HEATR1: variants seen among roughly 807,000 people sequenced by gnomAD.
HEATR1 encodes the protein HEAT repeat-containing protein 1.
HEATR1 carries 77 observed loss-of-function variants against 248.2 expected under a neutral mutation model. The observed-to-expected ratio is 0.31, with a 90% CI of 0.26 to 0.37. The LOEUF (loss-of-function observed/expected upper bound fraction) is 0.37. Among genes scored for constraint, HEATR1 ranks in the 10% least tolerant of loss-of-function variants. The pLI is 1.00. For missense variants in HEATR1, 2,420 were observed against 2,504.9 expected (o/e 0.97, Z 0.72); for synonymous variants, 897 against 923.1 (o/e 0.97, Z 0.51).
chr1:236,571,311 T>A, intron 28 of HEATR1, 40 bp downstream of exon 28: 1 of 1,555,774 alleles, frequency 6.4e-7, no homozygotes, highest in Non-Finnish European at 8.6e-7. Flanking sequence ...AAGAAAAATA[T>A]CTGAAATATC....
intron 12 of HEATR1, among the ~76,000 whole-genome samples, chr1:236,589,655 T>C (rs1386931691): frequency 6.6e-6 from 1 of 152,244 alleles, no homozygotes; most frequent in Admixed American, 6.5e-5. Flanking sequence ...CTAATTGCTA[T>C]GACACAAGTT....
chr1:236,559,192 A>C, intron 34 of HEATR1, 57 bp from the exon 35 acceptor site: 1 of 1,388,952 alleles, frequency 7.2e-7, no homozygotes, highest in Non-Finnish European at 9.6e-7. Flanking sequence ...AAAAAAACCA[A>C]CTTCAATTAA....
rs774174338 is a variant in HEATR1 at position 236,571,729 on chromosome 1, T to A, written c.3708-43A>T. The A allele has an allele frequency of 2.1e-6, 3 of 1,416,856 alleles. No individual in the cohort carries two copies. The South Asian group carries it at 3.5e-5, about 16-fold the overall frequency. The allele number at this position is 1,416,856 out of a possible 1,614,324, so 87.8% of individuals were successfully genotyped here. On this transcript the variant is annotated intron_variant, in intron 26 of 44. Transcript: ENST00000366582. ...GAGAAATGATGGGAAATGTAAAAGT[T>A]GTACAATTCATTGTTACATTAATGG...
chr1:236,576,471 G>T, intron 21 of HEATR1, 94 bp from the exon 22 acceptor site: 1 of 922,742 alleles, frequency 1.1e-6, no homozygotes, highest in Non-Finnish European at 1.6e-6. Flanking sequence ...CAAATGATGT[G>T]ACATTGTTTA....
intron 28 of HEATR1, among the ~76,000 whole-genome samples, chr1:236,569,490 C>T (rs1663365237): frequency 6.6e-6 from 1 of 152,110 alleles, no homozygotes; most frequent in South Asian, 2.1e-4. Context: ...CATTACAACT[C>T]ACCAATAAAA....
At position 236,587,984 on chromosome 1, in the gene HEATR1, A is replaced by G; in HGVS notation, c.1590T>C (p.Asn530=). The stretch of plus-strand genomic sequence containing the variant: ...TTATAGCCGACAAAACAACATCTAT[A>G]TTATCATCACCTAATCGGGCTAAAA... ...EAVLARLGDD[N]IDVVLSAISA... The change falls in exon 13 of 45, where the codon AAT becomes AAC. Residue 530 remains asparagine, a synonymous_variant. Transcript: ENST00000366582. 1 of 1,612,410 alleles carries G rather than the reference A, an allele frequency of 6.2e-7. No homozygotes were observed. Among genetic ancestry groups the G allele is most frequent in the Non-Finnish European group, 8.5e-7 (1 of 1,179,122 alleles).
intron 20 of HEATR1, among the ~76,000 whole-genome samples, chr1:236,577,468 A>T (rs1390775838): frequency 6.8e-6 from 1 of 147,282 alleles, no homozygotes; most frequent in African/African-American, 2.5e-5. Flanking sequence ...ATAAGTACAT[A>T]CATATCCAAA....
intron 16 of HEATR1, 23 bp downstream of exon 16, chr1:236,585,797 G>A (rs1484360233): frequency 1.9e-6 from 3 of 1,607,378 alleles, no homozygotes; most frequent in East Asian, 2.2e-5. Flanking sequence ...AATCCAGGGG[G>A]TGGACTTTCA....
At chr1:236,603,041 G>C (rs1664367059) in intron 3 of HEATR1, 119 bp downstream of exon 3, 3 of 679,052 alleles carry the variant, frequency 4.4e-6, no homozygotes, top group Non-Finnish European at 7.7e-6. Flanking sequence ...AATGGACATT[G>C]TATCAATCTC....
intron 32 of HEATR1, among the ~76,000 whole-genome samples, chr1:236,562,305 T>A (rs1379344425): frequency 2.6e-5 from 4 of 152,230 alleles, no homozygotes; most frequent in Non-Finnish European, 5.9e-5. Flanking sequence ...TGAATCAAAA[T>A]TTTAAAGGAA....
intron 3 of HEATR1, among the ~76,000 whole-genome samples, chr1:236,600,388 C>T (rs563788964): frequency 3.9e-5 from 6 of 152,072 alleles, no homozygotes; most frequent in Non-Finnish European, 7.4e-5. Context: ...GCCTCAGCCT[C>T]CCAAAGTGCT....
intron 19 of HEATR1, among the ~76,000 whole-genome samples, 199 bp downstream of exon 19, chr1:236,582,537 G>A (rs1419102691): frequency 1.3e-5 from 2 of 152,082 alleles, no homozygotes; most frequent in African/African-American, 2.4e-5. Flanking sequence ...CCAAGTGGCT[G>A]GGATTACAGG....
At chr1:236,574,163 A>C in intron 24 of HEATR1, 39 bp downstream of exon 24, 1 of 1,564,778 alleles carries the variant, frequency 6.4e-7, no homozygotes, top group Non-Finnish European at 8.6e-7. Context: ...AGAGACTATA[A>C]ACATTAATAA....
intron 9 of HEATR1, among the ~76,000 whole-genome samples, chr1:236,593,257 G>A (rs1205192897): frequency 6.6e-6 from 1 of 151,732 alleles, no homozygotes; most frequent in Admixed American, 6.6e-5. Flanking sequence ...CATGAGAACA[G>A]CAATAAAAGG....
intron 32 of HEATR1, among the ~76,000 whole-genome samples, chr1:236,562,120 G>C (rs905050649): frequency 6.6e-6 from 1 of 152,176 alleles, no homozygotes; most frequent in Non-Finnish European, 1.5e-5. Flanking sequence ...AATTTGATGG[G>C]TATCACATTT....
At chr1:236,590,236 C>T (rs191295259) in intron 12 of HEATR1, among the ~76,000 whole-genome samples, 4 of 148,848 alleles carry the variant, frequency 2.7e-5, no homozygotes, top group East Asian at 1.9e-4. Context: ...TCAAATTTCT[C>T]GGTTTTTTTT....
chr1:236,592,963 G>T (rs182842039), intron 9 of HEATR1, among the ~76,000 whole-genome samples: 1 of 152,310 alleles, frequency 6.6e-6, no homozygotes, highest in Non-Finnish European at 1.5e-5. Context: ...GGGAGGCCAA[G>T]GTGGGCGGAT....
intron 14 of HEATR1, among the ~76,000 whole-genome samples, chr1:236,586,885 T>C (rs1395877497): frequency 2.0e-5 from 3 of 152,028 alleles, no homozygotes; most frequent in East Asian, 1.9e-4. Flanking sequence ...ATGATAGATA[T>C]CTACCCATAC....
chr1:236,598,757 G>A (rs16834044), intron 4 of HEATR1, among the ~76,000 whole-genome samples: 10,571 of 152,098 alleles, frequency 0.07, 1,182 homozygotes, highest in African/African-American at 0.24. Context: ...GCACAGCCTC[G>A]TGATCTGTTA....
Sources: allele counts gnomAD v4.1 joint callset (sites outside exome capture counted in the v4.1 genomes callset), GRCh38; gene constraint gnomAD v4.1.1; transcripts MANE v1.5; gene names NCBI Gene and HGNC (gene_info 2026-07-23, HGNC 2026-07-21).